The following AFAP1 variants were observed in gnomAD, a reference collection of about 807,000 sequenced individuals.
AFAP1 encodes actin filament associated protein 1.
AFAP1 carries 75 observed loss-of-function variants against 93.9 expected under a neutral mutation model. That is an observed-to-expected ratio of 0.80 (90% CI 0.66 to 0.97). The LOEUF (loss-of-function observed/expected upper bound fraction) is 0.97, where lower values mean the gene tolerates loss of function less well. Ranked by LOEUF, AFAP1 falls within the 50% of genes least tolerant of loss-of-function variation. AFAP1 has a pLI of 0.00. For synonymous variants in AFAP1, 517 were observed against 430.7 expected, an observed-to-expected ratio of 1.20 and a Z score of -2.48; for missense variants, 1,201 against 1,050.8, an observed-to-expected ratio of 1.14 and a Z score of -1.98.
chr4:7,873,342 CTTTTTT>C (rs1158765422), intron 1 of AFAP1, among the ~76,000 whole-genome samples: 1 of 51,016 alleles, frequency 2.0e-5, no homozygotes. Flanking sequence ...GAAGACACAC[CTTTTTT>C]TTTTTTTTTT....
intron 3 of AFAP1, chr4:7,861,935 C>G (rs1465809473): frequency 6.6e-6 from 1 of 152,234 alleles, no homozygotes; most frequent in East Asian, 1.9e-4. Flanking sequence ...CTCAAAGAGC[C>G]TCGTAATGTC....
chr4:7,842,276 A>G (rs1166511447), intron 5 of AFAP1, among the ~76,000 whole-genome samples: 6 of 147,282 alleles, frequency 4.1e-5, no homozygotes, highest in Non-Finnish European at 8.9e-5. Context: ...AGATTCCCAC[A>G]ATTCAAAGAT....
At chr4:7,850,516 G>A (rs78809046) in intron 4 of AFAP1, among the ~76,000 whole-genome samples, 14,138 of 152,278 alleles carry the variant, frequency 0.093, 861 homozygotes, top group East Asian at 0.24. Flanking sequence ...GCCAATGAGC[G>A]TTGTAGTGAG....
intron 1 of AFAP1, among the ~76,000 whole-genome samples, chr4:7,900,129 T>C (rs931362580): frequency 1.3e-5 from 2 of 152,186 alleles, no homozygotes; most frequent in Non-Finnish European, 2.9e-5. Flanking sequence ...AAATCCTGAC[T>C]TATTAGAGCC....
At chr4:7,872,454 C>T (rs1445515841) in intron 1 of AFAP1, 1 of 179,606 alleles carries the variant, frequency 5.6e-6, no homozygotes, top group Admixed American at 5.8e-5. Flanking sequence ...TTCTAATAAC[C>T]AGTAGGGCAT....
rs116060031 is a variant in AFAP1 at position 7,765,063 on chromosome 4, C to T, written c.2419-1272G>A. Among the ~76,000 whole-genome samples the T allele has an allele frequency of 6.0e-3, 913 of 152,258 alleles. 7 individuals are homozygous for T. Among genetic ancestry groups the T allele is most frequent in the Middle Eastern group, 0.048 (14 of 294 alleles). On this transcript the variant is annotated intron_variant, in intron 17 of 17. Transcript: ENST00000420658. Reference sequence around the variant, plus strand: ...TGAGGCTGCAGTAAGCCATGATCGCCACTGCACTCGAGCGTGGTCAACAGA... The same window carrying T: ...TGAGGCTGCAGTAAGCCATGATCGCTACTGCACTCGAGCGTGGTCAACAGA...
rs1718260778 is a variant in AFAP1, at chr4:7,795,020, G to T, written c.1267-1194C>A. On this transcript the variant is annotated intron_variant, in intron 10 of 17. Transcript: ENST00000420658. ...TATAAAAATTACTAATTTAAATAAA[G>T]ATCTCTAAGTTGAGCTTAAAGAAAA... Among the ~76,000 whole-genome samples the T allele has an allele frequency of 2.0e-5, 3 of 152,140 alleles. No individual in the cohort carries two copies. The South Asian group carries it at 6.2e-4, about 32-fold the overall frequency.
At chr4:7,791,725 T>G (rs1372764197) in intron 11 of AFAP1, among the ~76,000 whole-genome samples, 1 of 150,626 alleles carries the variant, frequency 6.6e-6, no homozygotes, top group African/African-American at 2.4e-5. Context: ...TGGTGGCACA[T>G]GCCTGTAGTC....
intron 1 of AFAP1, among the ~76,000 whole-genome samples, chr4:7,934,903 T>G (rs1016645014): frequency 1.3e-5 from 2 of 152,226 alleles, no homozygotes; most frequent in African/African-American, 2.4e-5. Flanking sequence ...TACACGGGAA[T>G]GTAAATAATT....
chr4:7,871,882 G>T, intron 2 of AFAP1, 70 bp downstream of exon 2: 1 of 1,540,584 alleles, frequency 6.5e-7, no homozygotes, highest in Non-Finnish European at 8.8e-7. Flanking sequence ...TAGAAAGGTG[G>T]TAAAATTAAA....
intron 10 of AFAP1, chr4:7,798,762 G>T: frequency 2.4e-6 from 1 of 408,662 alleles, no homozygotes; most frequent in Non-Finnish European, 3.4e-6. Context: ...GGGGCACACA[G>T]CTACTGTGCC....
At chr4:7,775,746 G>A (rs1716046934) in intron 14 of AFAP1, 1 of 152,204 alleles carries the variant, frequency 6.6e-6, no homozygotes, top group African/African-American at 2.4e-5. Flanking sequence ...GAATCCCTCT[G>A]TGCCTCAGTT....
At chr4:7,823,596 G>A (rs956711705) in intron 6 of AFAP1, among the ~76,000 whole-genome samples, 2 of 152,098 alleles carry the variant, frequency 1.3e-5, no homozygotes, top group African/African-American at 4.8e-5. Flanking sequence ...CATCAGCTCC[G>A]ACTTTCTAGC....
Position 7,778,821 on chromosome 4 carries a change from G to C in AFAP1, c.1838C>G (p.Thr613Ser). 1 of 1,614,184 alleles carries C rather than the reference G, an allele frequency of 6.2e-7. No homozygotes were observed. The highest frequency in any genetic ancestry group is 8.5e-7 in the Non-Finnish European group (1 of 1,180,038). Residue 613 changes from threonine (T) to serine (S), a missense_variant, in exon 14 of 18, where the codon ACT (threonine) becomes AGT (serine). Transcript: ENST00000420658. Reference protein sequence around the residue: ...ASNGVTGKGKTLSSQPKKADP... With the variant: ...ASNGVTGKGKSLSSQPKKADP... ...CGCTTTCTTTGGCTGACTGCTCAGA[G>C]TCTTCCCTTTTCCTGTGACCCCATT...
rs1434657865 is a variant in AFAP1 at position 7,833,029 on chromosome 4, A to C, written c.726+5495T>G. Among the ~76,000 whole-genome samples the C allele has an allele frequency of 2.0e-5, 3 of 152,260 alleles. No individual in the cohort carries two copies. In the East Asian group the frequency reaches 5.8e-4, roughly 29 times the overall value. ...AAGATGGATGAACGACTTAAACCTA[A>C]GACCTGAAACTATAAAAATTCTAGA... On this transcript the variant is annotated intron_variant, in intron 6 of 17. Coordinates refer to ENST00000420658, the MANE Select transcript of AFAP1 (RefSeq NM_001134647.2).
At chr4:7,890,416 T>A (rs1490068541) in intron 1 of AFAP1, among the ~76,000 whole-genome samples, 1 of 152,166 alleles carries the variant, frequency 6.6e-6, no homozygotes, top group Admixed American at 6.5e-5. Context: ...GATAAAACTA[T>A]AAGACGTCTC....
At chr4:7,906,857 C>T (rs957442119) in intron 1 of AFAP1, among the ~76,000 whole-genome samples, 1 of 152,176 alleles carries the variant, frequency 6.6e-6, no homozygotes, top group East Asian at 1.9e-4. Flanking sequence ...CCCATCTCTA[C>T]TAAGAATGCT....
At chr4:7,820,106 G>A (rs1311744648) in intron 6 of AFAP1, among the ~76,000 whole-genome samples, 1 of 152,232 alleles carries the variant, frequency 6.6e-6, no homozygotes, top group South Asian at 2.1e-4. Context: ...GGTGGCAGCA[G>A]AGGCTGGAGT....
intron 14 of AFAP1, chr4:7,775,674 CCTGA>C (rs1293834409): frequency 3.3e-5 from 5 of 152,196 alleles, no homozygotes; most frequent in Non-Finnish European, 5.9e-5. Context: ...GTATCTGGAG[CCTGA>C]CTGTCTAGGA....
Sources: allele counts gnomAD v4.1 joint callset (sites outside exome capture counted in the v4.1 genomes callset), GRCh38; gene constraint gnomAD v4.1.1; transcripts MANE v1.5; gene names NCBI Gene and HGNC (gene_info 2026-07-23, HGNC 2026-07-21).